SLC6A6: variants seen among roughly 807,000 people sequenced by gnomAD.
SLC6A6 encodes sodium- and chloride-dependent taurine transporter.
Under a neutral mutation model 68.8 loss-of-function variants are expected in SLC6A6, and 16 were observed. That is an observed-to-expected ratio of 0.23 (90% CI 0.16 to 0.35). The LOEUF (loss-of-function observed/expected upper bound fraction) is 0.35. Ranked by LOEUF, SLC6A6 falls within the 10% of genes least tolerant of loss-of-function variation. The pLI is 1.00. For synonymous variants in SLC6A6, 312 were observed against 315.4 expected (o/e 0.99, Z 0.12); for missense variants, 474 against 802.8 (o/e 0.59, Z 4.95).
chr3:14,475,430 A>G (rs1413704367), intron 10 of SLC6A6, among the ~76,000 whole-genome samples: 1 of 152,216 alleles, frequency 6.6e-6, no homozygotes, highest in Non-Finnish European at 1.5e-5. Flanking sequence ...ACATGGGTTA[A>G]CAGTTATCTC....
chr3:14,428,634 C>A (rs147327604), intron 2 of SLC6A6, among the ~76,000 whole-genome samples: 51 of 152,234 alleles, frequency 3.4e-4, no homozygotes, highest in Admixed American at 9.8e-4. Context: ...GAGAGAGGGG[C>A]CCTGTGTGCA....
At chr3:14,479,466 T>C (rs572340724) in intron 13 of SLC6A6, among the ~76,000 whole-genome samples, 1 of 152,170 alleles carries the variant, frequency 6.6e-6, no homozygotes, top group South Asian at 2.1e-4. Context: ...AAGAAGAGGG[T>C]GTATCTGGAG....
At chr3:14,421,037 C>T (rs940114297) in intron 2 of SLC6A6, among the ~76,000 whole-genome samples, 2 of 152,218 alleles carry the variant, frequency 1.3e-5, no homozygotes, top group Admixed American at 1.3e-4. Flanking sequence ...GTTGATGAAT[C>T]ATTGACCCCG....
At chr3:14,445,495 T>C (rs1700098133) in intron 3 of SLC6A6, among the ~76,000 whole-genome samples, 2 of 150,938 alleles carry the variant, frequency 1.3e-5, no homozygotes, top group South Asian at 4.2e-4. Flanking sequence ...TTGAAGTCCC[T>C]GGTAGATTTG....
intron 1 of SLC6A6, among the ~76,000 whole-genome samples, chr3:14,403,828 C>A (rs1699043923): frequency 6.6e-6 from 1 of 152,240 alleles, no homozygotes; most frequent in African/African-American, 2.4e-5. Context: ...AGCCTCAAAG[C>A]TTCAGCCTGG....
rs113673472 is a variant in SLC6A6 at position 14,485,159 on chromosome 3, CGT to C, written c.*169_*170del. 0.023 allele frequency: 10,157 copies of C among 436,118 alleles called. No homozygotes were observed. Among genetic ancestry groups the C allele is most frequent in the Non-Finnish European group, 0.03 (7,459 of 248,870 alleles). The allele number at this position is 436,118 out of a possible 1,614,324, so 27.0% of individuals were successfully genotyped here. The stretch of plus-strand genomic sequence containing the variant: ...ATGTAATTGTGGGTATGTGTGCGTG[CGT>C]GTGTGTGTGTGTGTGTATCGTGTGT... On this transcript the variant is annotated 3_prime_UTR_variant, in exon 15 of 15. Transcript: ENST00000622186.
chr3:14,410,234 C>T lies in SLC6A6; in HGVS notation c.-53-6178C>T, dbSNP rs866024506. ...CAGATGTGGCTCCCTGTGCTCCCCC[C>T]TCCCAGCCGCACCCATCATTCATTG... is the stretch of plus-strand genomic sequence containing the variant. On this transcript the variant is annotated intron_variant, in intron 1 of 14. Transcript: ENST00000622186. Among the ~76,000 whole-genome samples, 6 of 151,950 alleles carry T rather than the reference C, an allele frequency of 3.9e-5. No individual in the cohort carries two copies. In the East Asian group the frequency reaches 1.2e-3, roughly 29 times the overall value.
intron 5 of SLC6A6, among the ~76,000 whole-genome samples, chr3:14,453,803 G>A (rs993033364): frequency 6.6e-6 from 1 of 152,198 alleles, no homozygotes; most frequent in African/African-American, 2.4e-5. Context: ...TGTGGCCTTT[G>A]AGCAGAGACC....
intron 2 of SLC6A6, among the ~76,000 whole-genome samples, chr3:14,434,724 C>T (rs546975460): frequency 1.3e-5 from 2 of 152,294 alleles, no homozygotes; most frequent in South Asian, 4.1e-4. Flanking sequence ...TCTGGGGCAG[C>T]GCCAGCCACC....
chr3:14,475,871 C>T (rs1485596357), intron 10 of SLC6A6, among the ~76,000 whole-genome samples: 2 of 152,204 alleles, frequency 1.3e-5, no homozygotes, highest in African/African-American at 2.4e-5. Flanking sequence ...GCCTCCTGCT[C>T]GTCTTTTCCC....
chr3:14,482,986 G>T (rs537909120), intron 14 of SLC6A6, among the ~76,000 whole-genome samples: 2 of 152,224 alleles, frequency 1.3e-5, no homozygotes, highest in East Asian at 3.9e-4. Context: ...GAAGCCAAAG[G>T]GTTCATTAGG....
intron 6 of SLC6A6, among the ~76,000 whole-genome samples, chr3:14,458,990 A>G (rs553340129): frequency 4.6e-5 from 7 of 152,350 alleles, no homozygotes; most frequent in Admixed American, 4.6e-4. Flanking sequence ...TACTAATTAG[A>G]GCTGAACTGT....
chr3:14,450,740 A>C lies in SLC6A6; in HGVS notation c.599+2924A>C, dbSNP rs1700234215. On this transcript the variant is annotated intron_variant, in intron 5 of 14. Coordinates refer to ENST00000622186, the MANE Select transcript of SLC6A6 (RefSeq NM_003043.6). This position sits in a 1 kb window ranked among gnomAD's most constrained non-coding sequence, Gnocchi z 4.1. ...AGGGGACAGCTCAGTTCCAGCCCTG[A>C]GCCAGGTGCCGTGGGCAAGAAAGAC... Among the ~76,000 whole-genome samples the C allele has an allele frequency of 6.6e-6, 1 of 152,210 alleles. No individual in the cohort carries two copies. Among genetic ancestry groups the C allele is most frequent in the Non-Finnish European group, 1.5e-5 (1 of 68,032 alleles).
intron 1 of SLC6A6, among the ~76,000 whole-genome samples, chr3:14,407,410 A>G (rs760250833): frequency 7.2e-5 from 11 of 152,168 alleles, no homozygotes; most frequent in Non-Finnish European, 1.5e-4. Context: ...ACACCTGTGT[A>G]ACCACCACCC....
intron 2 of SLC6A6, among the ~76,000 whole-genome samples, chr3:14,427,086 G>GACCCT (rs768871791): frequency 2.9e-4 from 42 of 145,178 alleles, no homozygotes; most frequent in Non-Finnish European, 1.0e-4. Flanking sequence ...GAGGCACAGA[G>GACCCT]ACCCTGGGTG....
rs985965774 is a variant in SLC6A6, at chr3:14,402,813, C to G, written c.-88C>G. 17 of 397,624 alleles carry G rather than the reference C, an allele frequency of 4.3e-5. No individual in the cohort carries two copies. Among genetic ancestry groups the G allele is most frequent in the Non-Finnish European group, 4.9e-5 (11 of 225,442 alleles). The allele number at this position is 397,624 out of a possible 1,614,324, so 24.6% of individuals were successfully genotyped here. A position where few individuals can be genotyped will look rare whatever the true frequency, so the allele number is the denominator to read the frequency against. On this transcript the variant is annotated 5_prime_UTR_variant, in exon 1 of 15. Transcript: ENST00000622186. This position sits in a 1 kb window ranked among gnomAD's most constrained non-coding sequence, Gnocchi z 4.8. Reference sequence around the variant, plus strand: ...CCCGGCCGGCGGAACCCGGCACAGCCGAGCAGAGCGCGGGCGGCGCCGCAG... The same window carrying G: ...CCCGGCCGGCGGAACCCGGCACAGCGGAGCAGAGCGCGGGCGGCGCCGCAG...
At chr3:14,476,775 G>A (rs1309518590) in intron 10 of SLC6A6, among the ~76,000 whole-genome samples, 1 of 152,256 alleles carries the variant, frequency 6.6e-6, no homozygotes, top group Non-Finnish European at 1.5e-5. Flanking sequence ...TATCTTCCAC[G>A]AGGATGGAGA....
intron 1 of SLC6A6, among the ~76,000 whole-genome samples, chr3:14,409,629 A>G (rs529526727): frequency 6.8e-4 from 104 of 152,340 alleles, no homozygotes; most frequent in African/African-American, 2.4e-3. Context: ...AGGAATACAC[A>G]GCACCTGTGC....
At chr3:14,479,434 G>A (rs1402722020) in intron 13 of SLC6A6, among the ~76,000 whole-genome samples, 1 of 152,216 alleles carries the variant, frequency 6.6e-6, no homozygotes. Context: ...GAGCCAGCCT[G>A]TGCGGGGCCA....
Sources: allele counts gnomAD v4.1 joint callset (sites outside exome capture counted in the v4.1 genomes callset), GRCh38; gene constraint gnomAD v4.1.1; non-coding constraint Gnocchi (gnomAD v3.1); transcripts MANE v1.5; gene names NCBI Gene and HGNC (gene_info 2026-07-23, HGNC 2026-07-21).